NOPCHAP1: variants seen among roughly 807,000 people sequenced by gnomAD.
The protein encoded by NOPCHAP1 is NOP protein chaperone 1, also known as DNA damage-sensitive RNA 1.
NOPCHAP1 carries 13 observed loss-of-function variants against 14.0 expected under a neutral mutation model. That is an observed-to-expected ratio of 0.93 (90% CI 0.60 to 1.47). NOPCHAP1 has a LOEUF of 1.47. NOPCHAP1 is among the 40% of genes most tolerant of loss of function. NOPCHAP1 has a pLI of 0.00. For missense variants in NOPCHAP1, 230 were observed against 226.9 expected, an observed-to-expected ratio of 1.01 and a Z score of -0.09; for synonymous variants, 78 against 78.4, an observed-to-expected ratio of 1.00 and a Z score of 0.03.
In NOPCHAP1 at chr12:105,011,737, G is replaced by A. The variant is rs933524776; in HGVS notation, c.*17041G>A. On this transcript the variant is annotated 3_prime_UTR_variant, in exon 4 of 4. Coordinates refer to ENST00000552951, the MANE Select transcript of NOPCHAP1 (RefSeq NM_152318.3). ...TTGTCTGTAAAGGATTTTATTTCTC[G>A]TTCGCTTATGAAGCTTAGTTTGGCT... 6.6e-5 allele frequency: 10 copies of A among 152,052 alleles called. No homozygotes were observed. Among genetic ancestry groups the A allele is most frequent in the Non-Finnish European group, 1.2e-4 (8 of 68,008 alleles). 9.4% of individuals were successfully genotyped at this position (152,052 alleles called of 1,614,324 possible). A position where few individuals can be genotyped will look rare whatever the true frequency, so the allele number is the denominator to read the frequency against.
chr12:104,986,599 C>T (rs1873242543), intron 1 of NOPCHAP1, 132 bp downstream of exon 1: 2 of 711,986 alleles, frequency 2.8e-6, no homozygotes, highest in South Asian at 2.3e-5. Flanking sequence ...GGGACTGCTG[C>T]GGGGCTCCGG....
intron 2 of NOPCHAP1, among the ~76,000 whole-genome samples, chr12:104,990,789 A>C (rs888353487): frequency 6.6e-6 from 1 of 152,266 alleles, no homozygotes; most frequent in Non-Finnish European, 1.5e-5. Flanking sequence ...TGTATTAATT[A>C]GGATTCTTGG....
At chr12:104,994,032 A>G (rs1873440213) in intron 3 of NOPCHAP1, among the ~76,000 whole-genome samples, 1 of 152,192 alleles carries the variant, frequency 6.6e-6, no homozygotes, top group African/African-American at 2.4e-5. Flanking sequence ...TAAAAGAGCC[A>G]TGTTGTATTA....
In NOPCHAP1 at chr12:104,993,844, A is replaced by AT. The variant is rs150779215; in HGVS notation, c.340-627dup. ...TCACCAAAGCGAGGGGTTTGTTTTG[A>AT]TTTTTTTATTGTTATTGAGTCTCTA... is the stretch of plus-strand genomic sequence containing the variant. On this transcript the variant is annotated intron_variant, in intron 3 of 3. Transcript: ENST00000552951. Among the ~76,000 whole-genome samples the AT allele has an allele frequency of 3.5e-3, 539 of 152,078 alleles. 10 individuals carry two copies. The highest frequency in any genetic ancestry group is 0.012 in the African/African-American group (489 of 41,496).
In NOPCHAP1 at chr12:105,010,015, T is replaced by C. The variant is rs1873784606; in HGVS notation, c.*15319T>C. Reference sequence around the variant, plus strand: ...GGGAGGAGTCCCTCTTTTTCTATTGTTGGGAATAGTTTCAGAAGGAATGGT... The same window carrying C: ...GGGAGGAGTCCCTCTTTTTCTATTGCTGGGAATAGTTTCAGAAGGAATGGT... On this transcript the variant is annotated 3_prime_UTR_variant, in exon 4 of 4. Transcript: ENST00000552951. 6.7e-6 allele frequency: 1 copy of C among 150,100 alleles called. No individual in the cohort carries two copies. 9.3% of individuals were successfully genotyped at this position (150,100 alleles called of 1,614,324 possible).
In NOPCHAP1 at chr12:105,011,726, TTTTA is replaced by T. The variant is rs1474322640; in HGVS notation, c.*17034_*17037del. 6.6e-6 allele frequency: 1 copy of T among 152,200 alleles called. No individual in the cohort carries two copies. Among genetic ancestry groups the T allele is most frequent in the African/African-American group, 2.4e-5 (1 of 41,440 alleles). 9.4% of individuals were successfully genotyped at this position (152,200 alleles called of 1,614,324 possible). ...TCAGCATTTGCTTGTCTGTAAAGGA[TTTTA>T]TTTCTCGTTCGCTTATGAAGCTTAG... On this transcript the variant is annotated 3_prime_UTR_variant, in exon 4 of 4. Transcript: ENST00000552951.
At position 105,013,091 on chromosome 12, in the gene NOPCHAP1, A is replaced by G. The variant is rs904989300; in HGVS notation, c.*18395A>G. ...CTGAAGCTGCGCCCACAGCCACCCG[A>G]TCCCCCAGGTGTTCTGTCCCAGGGA... On this transcript the variant is annotated 3_prime_UTR_variant, in exon 4 of 4. Transcript: ENST00000552951. 6.6e-6 allele frequency: 1 copy of G among 152,256 alleles called. No individual in the cohort carries two copies. The highest frequency in any genetic ancestry group is 1.5e-5 in the Non-Finnish European group (1 of 68,172). The allele number at this position is 152,256 out of a possible 1,614,324, so 9.4% of individuals were successfully genotyped here. A position where few individuals can be genotyped will look rare whatever the true frequency, so the allele number is the denominator to read the frequency against.
At position 105,005,700 on chromosome 12, in the gene NOPCHAP1, C is replaced by G. The variant is rs1873694389; in HGVS notation, c.*11004C>G. 1 of 152,216 alleles carries G rather than the reference C, an allele frequency of 6.6e-6. No homozygotes were observed. The highest frequency in any genetic ancestry group is 1.5e-5 in the Non-Finnish European group (1 of 68,048). The allele number at this position is 152,216 out of a possible 1,614,324, so 9.4% of individuals were successfully genotyped here. A position where few individuals can be genotyped will look rare whatever the true frequency, so the allele number is the denominator to read the frequency against. ...GAAAGTTGGGGTTTTCCTTTTGATT[C>G]AGTCTAGGAAGTCAGTGCGAATTGG... is the stretch of plus-strand genomic sequence containing the variant. On this transcript the variant is annotated 3_prime_UTR_variant, in exon 4 of 4. Coordinates refer to ENST00000552951, the MANE Select transcript of NOPCHAP1 (RefSeq NM_152318.3).
rs1302225204 is a variant in NOPCHAP1 at position 105,011,162 on chromosome 12, G to GTA, written c.*16468_*16469dup. ...TTGCTTTGTGAATCTGTGTGCTCCT[G>GTA]TATTGGGTGCATATATATTTAGGAT... On this transcript the variant is annotated 3_prime_UTR_variant, in exon 4 of 4. Coordinates refer to ENST00000552951, the MANE Select transcript of NOPCHAP1 (RefSeq NM_152318.3). The GTA allele has an allele frequency of 6.6e-6, 1 of 152,196 alleles. No individual in the cohort carries two copies. Among genetic ancestry groups the GTA allele is most frequent in the Non-Finnish European group, 1.5e-5 (1 of 68,034 alleles). 9.4% of individuals were successfully genotyped at this position (152,196 alleles called of 1,614,324 possible). A position where few individuals can be genotyped will look rare whatever the true frequency, so the allele number is the denominator to read the frequency against.
At chr12:104,991,478 G>A (rs1873372586) in intron 2 of NOPCHAP1, among the ~76,000 whole-genome samples, 1 of 152,156 alleles carries the variant, frequency 6.6e-6, no homozygotes, top group African/African-American at 2.4e-5. Context: ...CCTTCTAGGA[G>A]TTTACAGTCC....
In NOPCHAP1 at chr12:105,010,805, C is replaced by T. The variant is rs1873804571; in HGVS notation, c.*16109C>T. The T allele has an allele frequency of 6.6e-6, 1 of 152,134 alleles. No homozygotes were observed. Among genetic ancestry groups the T allele is most frequent in the Non-Finnish European group, 1.5e-5 (1 of 68,020 alleles). 9.4% of individuals were successfully genotyped at this position (152,134 alleles called of 1,614,324 possible). A position where few individuals can be genotyped will look rare whatever the true frequency, so the allele number is the denominator to read the frequency against. ...GCATTTTTTAGTGAATTTCTTAATC[C>T]TGAGTTTTAATTTGATTGCACTGTG... On this transcript the variant is annotated 3_prime_UTR_variant, in exon 4 of 4. Transcript: ENST00000552951.
rs1398436956 is a variant in NOPCHAP1 at position 104,988,232 on chromosome 12, G to C, written c.181G>C (p.Val61Leu). 3.7e-6 allele frequency: 6 copies of C among 1,612,236 alleles called. No individual in the cohort carries two copies. In the South Asian group the frequency reaches 5.5e-5, roughly 15 times the overall value. The change falls in exon 2 of 4, where the codon GTT becomes CTT. Residue 61 changes from valine to leucine, a missense_variant. Transcript: ENST00000552951. ...KSRKTSTLQTVRIERSPLLDQ... is the reference protein window; with the variant it reads ...KSRKTSTLQTLRIERSPLLDQ... The stretch of plus-strand genomic sequence containing the variant: ...CAGAAAGACCTCCACTCTTCAAACA[G>C]TTCGGATAGAGAGGAGTCCCTGTAA...
Position 105,000,399 on chromosome 12 carries a change from A to G in NOPCHAP1, c.*5703A>G, listed in dbSNP as rs1003174218. ...TGGAGTTGTTTCCTGGTTTTTACCC[A>G]TTAGCCCACAAACCCAAACAGTTGC... On this transcript the variant is annotated 3_prime_UTR_variant, in exon 4 of 4. Transcript: ENST00000552951. 6.6e-6 allele frequency: 1 copy of G among 152,190 alleles called. No individual in the cohort carries two copies. Among genetic ancestry groups the G allele is most frequent in the African/African-American group, 2.4e-5 (1 of 41,452 alleles). 9.4% of individuals were successfully genotyped at this position (152,190 alleles called of 1,614,324 possible).
rs189549265 is a variant in NOPCHAP1, at chr12:104,994,805, A to G, written c.*109A>G. On this transcript the variant is annotated 3_prime_UTR_variant, in exon 4 of 4. Coordinates refer to ENST00000552951, the MANE Select transcript of NOPCHAP1 (RefSeq NM_152318.3). ...TTTCAGGCACCTATGGTGCTTTTAT[A>G]TGTTAAAAACTTTAGACAAGTTAAA... The G allele has an allele frequency of 2.3e-4, 228 of 970,606 alleles. 2 individuals carry two copies. The East Asian group carries it at 3.6e-3, about 15-fold the overall frequency. The allele number at this position is 970,606 out of a possible 1,614,324, so 60.1% of individuals were successfully genotyped here.
chr12:104,995,394 G>C lies in NOPCHAP1; in HGVS notation c.*698G>C, dbSNP rs1406068156. 1 of 152,252 alleles carries C rather than the reference G, an allele frequency of 6.6e-6. No homozygotes were observed. The highest frequency in any genetic ancestry group is 1.5e-5 in the Non-Finnish European group (1 of 68,110). The allele number at this position is 152,252 out of a possible 1,614,324, so 9.4% of individuals were successfully genotyped here. A position where few individuals can be genotyped will look rare whatever the true frequency, so the allele number is the denominator to read the frequency against. On this transcript the variant is annotated 3_prime_UTR_variant, in exon 4 of 4. Coordinates refer to ENST00000552951, the MANE Select transcript of NOPCHAP1 (RefSeq NM_152318.3). ...AGCTACAAATTGTATTGAATTTTCTGTAGTAGCAAAATCTGGAAAAATAGG... is the reference window on the plus strand; with the variant it reads ...AGCTACAAATTGTATTGAATTTTCTCTAGTAGCAAAATCTGGAAAAATAGG...
In NOPCHAP1 at chr12:105,010,095, G is replaced by A. The variant is rs1873785819; in HGVS notation, c.*15399G>A. 1 of 152,054 alleles carries A rather than the reference G, an allele frequency of 6.6e-6. No homozygotes were observed. The allele number at this position is 152,054 out of a possible 1,614,324, so 9.4% of individuals were successfully genotyped here. ...TTCTGCTGTGAATCCTTCAGGTCCT[G>A]GGCTTTTTTTGGTTAGTAGTCTATT... is the stretch of plus-strand genomic sequence containing the variant. On this transcript the variant is annotated 3_prime_UTR_variant, in exon 4 of 4. Transcript: ENST00000552951.
chr12:104,988,313 T>G (rs1873291934), intron 2 of NOPCHAP1, 60 bp downstream of exon 2: 1 of 1,344,046 alleles, frequency 7.4e-7, no homozygotes, highest in African/African-American at 1.4e-5. Flanking sequence ...GATTAAGCTG[T>G]GGGACGGTCT....
rs763955168 is a variant in NOPCHAP1 at position 104,986,332 on chromosome 12, G to A, written c.-21G>A. On this transcript the variant is annotated 5_prime_UTR_variant, in exon 1 of 4. Coordinates refer to ENST00000552951, the MANE Select transcript of NOPCHAP1 (RefSeq NM_152318.3). ...GCCTTTTTCCTGCATCCGGGCCTGA[G>A]AGTGCAGGCTTGAGGGAAGCATGGA... 1.2e-5 allele frequency: 19 copies of A among 1,589,040 alleles called. No individual in the cohort carries two copies. The highest frequency in any genetic ancestry group is 1.6e-5 in the Non-Finnish European group (19 of 1,165,920).
Position 104,991,913 on chromosome 12 carries a change from C to G in NOPCHAP1, c.339+65C>G. 5 of 1,508,456 alleles carry G rather than the reference C, an allele frequency of 3.3e-6. No individual in the cohort carries two copies. The South Asian group carries it at 5.4e-5, about 16-fold the overall frequency. The allele number at this position is 1,508,456 out of a possible 1,614,324, so 93.4% of individuals were successfully genotyped here. The stretch of plus-strand genomic sequence containing the variant: ...TGCCTGTCACCTAAGAAGAAGAGAA[C>G]TTTTCCATTTTATTTTCAAGTTTTC... On this transcript the variant is annotated intron_variant, in intron 3 of 3. Coordinates refer to ENST00000552951, the MANE Select transcript of NOPCHAP1 (RefSeq NM_152318.3).
Sources: allele counts gnomAD v4.1 joint callset (sites outside exome capture counted in the v4.1 genomes callset), GRCh38; gene constraint gnomAD v4.1.1; transcripts MANE v1.5; gene names NCBI Gene and HGNC (gene_info 2026-07-23, HGNC 2026-07-21).